The following HS6ST2 variants were observed in gnomAD, a reference collection of about 807,000 sequenced individuals.
HS6ST2 encodes the protein heparan-sulfate 6-O-sulfotransferase 2.
HS6ST2 carries 17 observed loss-of-function variants against 33.0 expected under a neutral mutation model. The ratio of observed to expected loss-of-function variants is 0.52; its 90% CI spans 0.35 to 0.77. HS6ST2 has a LOEUF of 0.77. Among genes scored for constraint, HS6ST2 ranks in the 30% least tolerant of loss-of-function variants. The pLI is 0.01. For missense variants in HS6ST2, 519 were observed against 551.7 expected (o/e 0.94, Z 0.59); for synonymous variants, 248 against 237.1 (o/e 1.05, Z -0.42).
At chrX:132,925,118 A>C (rs2066697255) in intron 2 of HS6ST2, among the ~76,000 whole-genome samples, 1 of 111,223 alleles carries the variant, frequency 9.0e-6, no homozygotes, top group Admixed American at 9.6e-5. Flanking sequence ...ATTATTACCA[A>C]TGACAAATGA....
At chrX:132,646,142 T>C (rs1239136175) in intron 4 of HS6ST2, among the ~76,000 whole-genome samples, 1 of 111,919 alleles carries the variant, frequency 8.9e-6, no homozygotes, top group Non-Finnish European at 1.9e-5. Context: ...TACAACACCA[T>C]AATGGGACAG....
At chrX:132,830,541 T>G (rs925124633) in intron 2 of HS6ST2, among the ~76,000 whole-genome samples, 4 of 112,330 alleles carry the variant, frequency 3.6e-5, no homozygotes, top group African/African-American at 1.3e-4. Flanking sequence ...AAACAAGCAT[T>G]TTTAAGCATT....
intron 2 of HS6ST2, among the ~76,000 whole-genome samples, chrX:132,851,967 C>T (rs746845323): frequency 2.7e-5 from 3 of 110,830 alleles, no homozygotes; most frequent in Non-Finnish European, 3.8e-5. Flanking sequence ...ACAGCAAGAC[C>T]GTGTCTCTAC....
chrX:132,922,888 C>A (rs1418373271), intron 2 of HS6ST2, among the ~76,000 whole-genome samples: 1 of 109,970 alleles, frequency 9.1e-6, no homozygotes, highest in South Asian at 3.9e-4. Flanking sequence ...CATGGCAAAA[C>A]CCTGTCTCTA....
At chrX:132,827,976 G>A (rs143036495) in intron 2 of HS6ST2, among the ~76,000 whole-genome samples, 255 of 111,788 alleles carry the variant, frequency 2.3e-3, no homozygotes, top group African/African-American at 7.9e-3. Context: ...CAGCAAGGGA[G>A]TATTTACTGT....
chrX:132,932,412 G>A (rs777392369), intron 2 of HS6ST2, among the ~76,000 whole-genome samples: 42 of 111,611 alleles, frequency 3.8e-4, no homozygotes, highest in African/African-American at 1.1e-3. Flanking sequence ...CTCTGCACAT[G>A]CCCAAGACAG....
At chrX:132,765,415 T>C (rs2064837821) in intron 2 of HS6ST2, among the ~76,000 whole-genome samples, 3 of 75,862 alleles carry the variant, frequency 4.0e-5, no homozygotes, top group African/African-American at 1.6e-4. Context: ...TTTGTGTGTG[T>C]GCATGTGTGT....
chrX:132,815,798 T>C (rs1347889066), intron 2 of HS6ST2, among the ~76,000 whole-genome samples: 1 of 111,285 alleles, frequency 9.0e-6, no homozygotes, highest in Non-Finnish European at 1.9e-5. Context: ...TGTGTTTTAG[T>C]CAAATTTGTA....
chrX:132,891,843 CAT>C (rs1176922989), intron 2 of HS6ST2, among the ~76,000 whole-genome samples: 1 of 111,561 alleles, frequency 9.0e-6, no homozygotes, highest in African/African-American at 3.3e-5. Flanking sequence ...CCACAACAAA[CAT>C]ATGTGTGCAT....
At chrX:132,637,839 ATTT>A (rs1161950902) in intron 4 of HS6ST2, among the ~76,000 whole-genome samples, 473 of 44,143 alleles carry the variant, frequency 0.011, 6 homozygotes, top group African/African-American at 0.054. Context: ...TATATATAAT[ATTT>A]TATATATAAT....
At chrX:132,754,608 T>G (rs1413288773) in intron 2 of HS6ST2, among the ~76,000 whole-genome samples, 3 of 109,352 alleles carry the variant, frequency 2.7e-5, no homozygotes, top group Non-Finnish European at 3.8e-5. Flanking sequence ...TAGTAGAGAC[T>G]GGGTTTCACC....
intron 2 of HS6ST2, among the ~76,000 whole-genome samples, chrX:132,859,354 T>C (rs759462750): frequency 5.4e-5 from 6 of 111,141 alleles, no homozygotes; most frequent in Non-Finnish European, 1.1e-4. Flanking sequence ...ACAAGGATCA[T>C]GACAGAATTA....
At chrX:132,826,071 A>G (rs2065516229) in intron 2 of HS6ST2, among the ~76,000 whole-genome samples, 1 of 112,623 alleles carries the variant, frequency 8.9e-6, no homozygotes, top group African/African-American at 3.2e-5. Flanking sequence ...TTGAGAATTA[A>G]TCACAAAAAC....
chrX:132,956,448 A>G (rs2067072360), intron 2 of HS6ST2, among the ~76,000 whole-genome samples: 1 of 111,672 alleles, frequency 9.0e-6, no homozygotes, highest in Non-Finnish European at 1.9e-5. Context: ...GCAGGGATCC[A>G]GAGACGCTGC....
chrX:132,673,784 T>C (rs750056792), intron 3 of HS6ST2, among the ~76,000 whole-genome samples: 1 of 111,339 alleles, frequency 9.0e-6, no homozygotes, highest in South Asian at 3.9e-4. Context: ...CTCCAACAGA[T>C]ACACCAAGTC....
At chrX:132,688,157 G>A (rs1329533205) in intron 3 of HS6ST2, among the ~76,000 whole-genome samples, 1 of 111,799 alleles carries the variant, frequency 8.9e-6, no homozygotes, top group Non-Finnish European at 1.9e-5. Context: ...ATTTAAGCTA[G>A]TTATAATGAT....
At chrX:132,682,728 A>G (rs1386621157) in intron 3 of HS6ST2, among the ~76,000 whole-genome samples, 1 of 109,461 alleles carries the variant, frequency 9.1e-6, no homozygotes, top group African/African-American at 3.3e-5. Flanking sequence ...TCAGCATTAA[A>G]GTTTCAGAAG....
Position 132,669,110 on chromosome X carries a change from T to C in HS6ST2, c.1067+3A>G. ...AGATGTACAGGAGCACTTTTTCACT[T>C]ACTTCCCACTCTTAGATGTGTTCCG... On this transcript the variant is annotated splice_donor_region_variant and intron_variant, in intron 4 of 4. Transcript: ENST00000370833. The C allele has an allele frequency of 8.5e-7, 1 of 1,183,243 alleles. No individual in the cohort carries two copies. Among genetic ancestry groups the C allele is most frequent in the Non-Finnish European group, 1.1e-6 (1 of 870,750 alleles).
intron 2 of HS6ST2, among the ~76,000 whole-genome samples, chrX:132,870,443 A>G (rs1361340614): frequency 1.2e-4 from 14 of 112,060 alleles, no homozygotes; most frequent in Non-Finnish European, 3.8e-5. Context: ...GAACAAAAAA[A>G]GAGCCCATGT....
Sources: gnomAD v4.1 joint callset for allele counts (sites outside exome capture counted in the v4.1 genomes callset) on GRCh38, gnomAD v4.1.1 for gene constraint, MANE v1.5 for transcripts, NCBI Gene and HGNC (gene_info 2026-07-23, HGNC 2026-07-21) for gene names.